ZNF248: variants seen among roughly 807,000 people sequenced by gnomAD.
The protein encoded by ZNF248 is KRAB protein domain.
In ZNF248, 20 loss-of-function variants were observed where a neutral mutation model predicts 44.3. The ratio of observed to expected loss-of-function variants is 0.45; its 90% CI spans 0.32 to 0.66. The LOEUF (loss-of-function observed/expected upper bound fraction) is 0.66, where lower values mean the gene tolerates loss of function less well. Among genes scored for constraint, ZNF248 ranks in the 30% least tolerant of loss-of-function variants. The pLI, the probability that ZNF248 is intolerant of heterozygous loss-of-function variation, is 0.04. For synonymous variants in ZNF248, 224 were observed against 229.0 expected (o/e 0.98, Z 0.20); for missense variants, 654 against 677.0 (o/e 0.97, Z 0.38).
the ZNF248 span, among the ~76,000 whole-genome samples, chr10:37,769,475 C>T: frequency 3.3e-5 from 5 of 152,098 alleles, no homozygotes; most frequent in Non-Finnish European, 7.4e-5. Context: ...AACATATGCA[C>T]ATCAATAAAC....
intron 6 of ZNF248, among the ~76,000 whole-genome samples, chr10:37,788,275 A>G (rs2133019639): frequency 6.6e-6 from 1 of 150,922 alleles, no homozygotes; most frequent in East Asian, 2.0e-4. Flanking sequence ...AAAAAAAAAA[A>G]AAAAAAGAAA....
At chr10:37,781,811 G>A (rs1368818252) in intron 6 of ZNF248, among the ~76,000 whole-genome samples, 2 of 152,182 alleles carry the variant, frequency 1.3e-5, no homozygotes, top group African/African-American at 2.4e-5. Context: ...TGTACAGCTT[G>A]TTGAACAGTG....
At chr10:37,776,484 G>C (rs78065142), downstream of ZNF248, 6 of 397,964 alleles carry the variant, frequency 1.5e-5, no homozygotes, top group Non-Finnish European at 2.7e-5. Context: ...GTTCAGGTTA[G>C]AGAAGCAATC....
At chr10:37,817,910 TTATTTATTTATA>T (rs1433841273) in intron 6 of ZNF248, among the ~76,000 whole-genome samples, 1 of 151,976 alleles carries the variant, frequency 6.6e-6, no homozygotes, top group African/African-American at 2.4e-5. Flanking sequence ...TTTTTATTTA[TTATTTATTTATA>T]TATTTATTTT....
chr10:37,820,786 T>C (rs1268730125), intron 6 of ZNF248: 2 of 1,163,992 alleles, frequency 1.7e-6, no homozygotes, highest in South Asian at 2.5e-5. Flanking sequence ...TCTGATGTAC[T>C]CTCCTTCATT....
chr10:37,848,465 C>G (rs1299130133), intron 3 of ZNF248, among the ~76,000 whole-genome samples: 1 of 151,756 alleles, frequency 6.6e-6, no homozygotes, highest in Non-Finnish European at 1.5e-5. Flanking sequence ...TGCCTGTAAT[C>G]CCAACTACTC....
intron 3 of ZNF248, among the ~76,000 whole-genome samples, chr10:37,851,170 G>A (rs80046766): frequency 0.017 from 2,546 of 152,250 alleles, 74 homozygotes; most frequent in African/African-American, 0.058. Context: ...AAGAATTGTT[G>A]AGCTGAAGGC....
At chr10:37,843,219 G>C (rs978671240) in intron 3 of ZNF248, among the ~76,000 whole-genome samples, 11 of 152,058 alleles carry the variant, frequency 7.2e-5, no homozygotes, top group African/African-American at 2.7e-4. Flanking sequence ...AAGAGGTCAA[G>C]ACCATTCTGG....
chr10:37,847,186 C>A (rs2059462497), intron 3 of ZNF248, among the ~76,000 whole-genome samples: 1 of 152,030 alleles, frequency 6.6e-6, no homozygotes, highest in South Asian at 2.1e-4. Flanking sequence ...AGCCACCATG[C>A]CCAGCTAACT....
chr10:37,803,564 C>T (rs76684980), intron 6 of ZNF248: 2,270 of 152,420 alleles, frequency 0.015, 55 homozygotes, highest in African/African-American at 0.051. Context: ...TCCAGACATG[C>T]TCTTTCCTGG....
chr10:37,782,075 T>C (rs1484929575), intron 6 of ZNF248, among the ~76,000 whole-genome samples: 1 of 152,242 alleles, frequency 6.6e-6, no homozygotes, highest in Non-Finnish European at 1.5e-5. Flanking sequence ...GTCCATTAAA[T>C]ATTACCTGGT....
chr10:37,805,482 GAATAGACCA>G, intron 6 of ZNF248, among the ~76,000 whole-genome samples: 1 of 152,250 alleles, frequency 6.6e-6, no homozygotes, highest in East Asian at 1.9e-4. Context: ...CTTTCCAATG[GAATAGACCA>G]AATAAGGAAA....
chr10:37,827,736 C>T (rs542335232), downstream of ZNF248, among the ~76,000 whole-genome samples: 32 of 152,244 alleles, frequency 2.1e-4, no homozygotes, highest in Admixed American at 1.2e-3. Flanking sequence ...GTCACAGCCA[C>T]GGTCTCTGGT....
chr10:37,835,047 A>T (rs775412836), intron 5 of ZNF248, among the ~76,000 whole-genome samples: 1 of 152,134 alleles, frequency 6.6e-6, no homozygotes, highest in Non-Finnish European at 1.5e-5. Flanking sequence ...AAGAAAAGAA[A>T]GGGAAATTTA....
downstream of ZNF248, among the ~76,000 whole-genome samples, chr10:37,776,036 C>T (rs566262198): frequency 3.9e-5 from 6 of 152,294 alleles, no homozygotes; most frequent in South Asian, 1.2e-3. Context: ...CCCCTACTCT[C>T]TGCCTCTATA....
Position 37,829,925 on chromosome 10 carries a change from T to G in ZNF248, c.*1690A>C, listed in dbSNP as rs1201400578. On this transcript the variant is annotated 3_prime_UTR_variant, in exon 6 of 6. Transcript: ENST00000395867. ...CCACCTAAGTCATCTGGGAGAAGGA[T>G]GCACAAAAATATAAAATTTAGCTCA... 5 of 985,290 alleles carry G rather than the reference T, an allele frequency of 5.1e-6. No homozygotes were observed. In the Admixed American group the frequency reaches 3.1e-4, roughly 61 times the overall value. 61.0% of individuals were successfully genotyped at this position (985,290 alleles called of 1,614,324 possible). A position where few individuals can be genotyped will look rare whatever the true frequency, so the allele number is the denominator to read the frequency against.
Position 37,855,049 on chromosome 10 carries a change from A to G in ZNF248, c.15+1247T>C, listed in dbSNP as rs141856705. ...CATATAAGTTTGATAAGCCCTAGAG[A>G]TAACAGATTCCTTTTTAAGTAAACT... is the stretch of plus-strand genomic sequence containing the variant. On this transcript the variant is annotated intron_variant, in intron 3 of 5. Transcript: ENST00000395867. Among the ~76,000 whole-genome samples, 455 of 152,366 alleles carry G rather than the reference A, an allele frequency of 3.0e-3. 4 individuals carry two copies. The highest frequency in any genetic ancestry group is 0.01 in the African/African-American group (418 of 41,590).
rs1006846646 is a variant in ZNF248 at position 37,831,179 on chromosome 10, G to C, written c.*436C>G. ...CGTATCTTCTCCTTATGATCATGTT[G>C]AGTTCCAATATACAAATCAAGCATA... On this transcript the variant is annotated 3_prime_UTR_variant, in exon 6 of 6. Transcript: ENST00000395867. The C allele has an allele frequency of 4.6e-6, 7 of 1,532,510 alleles. No homozygotes were observed. The East Asian group carries it at 1.7e-4, about 38-fold the overall frequency. The allele number at this position is 1,532,510 out of a possible 1,614,324, so 94.9% of individuals were successfully genotyped here.
chr10:37,768,024 A>C, the ZNF248 span, among the ~76,000 whole-genome samples: 3 of 152,230 alleles, frequency 2.0e-5, no homozygotes, highest in Admixed American at 2.0e-4. Context: ...CAAAAGAGAC[A>C]AAGAAGGCCA....
Sources: allele counts gnomAD v4.1 joint callset (sites outside exome capture counted in the v4.1 genomes callset), GRCh38; gene constraint gnomAD v4.1.1; transcripts MANE v1.5; gene names NCBI Gene and HGNC (gene_info 2026-07-23, HGNC 2026-07-21).